The following NOS1 variants were observed in gnomAD, a reference collection of about 807,000 sequenced individuals.
NOS1 encodes the protein nitric oxide synthase 1.
In NOS1, 51 loss-of-function variants were observed where a neutral mutation model predicts 164.5. The ratio of observed to expected loss-of-function variants is 0.31; its 90% CI spans 0.25 to 0.39. The LOEUF (loss-of-function observed/expected upper bound fraction) is 0.39, where lower values mean the gene tolerates loss of function less well. NOS1 is among the 10% of genes least tolerant of loss of function. The pLI is 1.00. For synonymous variants in NOS1, 719 were observed against 745.8 expected, an observed-to-expected ratio of 0.96 and a Z score of 0.59; for missense variants, 1,362 against 1,885.6, an observed-to-expected ratio of 0.72 and a Z score of 5.14.
intron 10 of NOS1, among the ~76,000 whole-genome samples, chr12:117,270,156 T>G (rs1872694886): frequency 6.6e-6 from 1 of 152,220 alleles, no homozygotes; most frequent in Admixed American, 6.5e-5. Context: ...GAAGACCCAA[T>G]AGCAAGTGCA....
intron 13 of NOS1, among the ~76,000 whole-genome samples, chr12:117,261,030 G>A (rs1871860384): frequency 6.6e-6 from 1 of 151,788 alleles, no homozygotes; most frequent in Non-Finnish European, 1.5e-5. Flanking sequence ...TTAGCCGGGA[G>A]TGGCAGCGTG....
At chr12:117,284,597 G>A (rs1427361654) in intron 7 of NOS1, among the ~76,000 whole-genome samples, 3 of 152,044 alleles carry the variant, frequency 2.0e-5, no homozygotes, top group Non-Finnish European at 4.4e-5. Context: ...ACCAGCAATA[G>A]GATTTTCTGA....
chr12:117,273,897 T>TGC (rs77190105), intron 9 of NOS1, among the ~76,000 whole-genome samples: 2 of 151,944 alleles, frequency 1.3e-5, no homozygotes, highest in African/African-American at 4.8e-5. Flanking sequence ...ATCAGGGAAA[T>TGC]TGGTCTGGGA....
chr12:117,347,230 T>A (rs1054131062), intron 1 of NOS1, among the ~76,000 whole-genome samples: 6 of 150,696 alleles, frequency 4.0e-5, no homozygotes, highest in African/African-American at 1.5e-4. Flanking sequence ...GAGGTTGCAG[T>A]GAGCCAAGAT....
At chr12:117,345,274 C>T (rs866808408) in intron 1 of NOS1, among the ~76,000 whole-genome samples, 5 of 152,148 alleles carry the variant, frequency 3.3e-5, no homozygotes, top group Admixed American at 2.6e-4. Flanking sequence ...CCGTCTGCCT[C>T]GGCCTCCCAA....
At chr12:117,286,025 C>T in intron 6 of NOS1, 79 bp downstream of exon 6, 1 of 1,520,846 alleles carries the variant, frequency 6.6e-7, no homozygotes. Context: ...GAAGCTTATC[C>T]TTTTTAAAGC....
chr12:117,222,380 C>G (rs567741196), intron 26 of NOS1, among the ~76,000 whole-genome samples: 56 of 152,252 alleles, frequency 3.7e-4, no homozygotes, highest in Non-Finnish European at 7.6e-4. Flanking sequence ...CTCAGCCTGC[C>G]AAGTAGCTGG....
chr12:117,264,999 A>T (rs1872272184), intron 12 of NOS1, among the ~76,000 whole-genome samples: 1 of 151,166 alleles, frequency 6.6e-6, no homozygotes, highest in African/African-American at 2.4e-5. Context: ...CACCATGCCC[A>T]GCCTGCTAAT....
chr12:117,352,689 G>T (rs1025285843), intron 1 of NOS1, among the ~76,000 whole-genome samples: 1 of 152,154 alleles, frequency 6.6e-6, no homozygotes, highest in Non-Finnish European at 1.5e-5. Flanking sequence ...TAAACTGCAG[G>T]ATTATTTCTT....
intron 16 of NOS1, among the ~76,000 whole-genome samples, chr12:117,257,462 A>G (rs1251173852): frequency 6.6e-6 from 1 of 152,176 alleles, no homozygotes; most frequent in Non-Finnish European, 1.5e-5. Context: ...ATGCGGTTCC[A>G]TTACAAACAT....
At chr12:117,216,344 G>A (rs1166923231) in intron 28 of NOS1, among the ~76,000 whole-genome samples, 30 of 151,290 alleles carry the variant, frequency 2.0e-4, no homozygotes, top group African/African-American at 2.4e-5. Context: ...CACGACGCTC[G>A]GCTAATTTTT....
intron 3 of NOS1, among the ~76,000 whole-genome samples, chr12:117,298,397 A>C (rs1157221380): frequency 6.6e-6 from 1 of 152,024 alleles, no homozygotes. Flanking sequence ...CCTGCCGCTC[A>C]CCTCCTGCTG....
intron 1 of NOS1, among the ~76,000 whole-genome samples, chr12:117,341,162 G>C (rs1401199005): frequency 6.6e-6 from 1 of 152,162 alleles, no homozygotes; most frequent in East Asian, 1.9e-4. Context: ...GTAGTGTCTG[G>C]TGGATGTGCT....
At chr12:117,254,270 G>A (rs916937010) in intron 16 of NOS1, among the ~76,000 whole-genome samples, 2 of 152,128 alleles carry the variant, frequency 1.3e-5, no homozygotes, top group Non-Finnish European at 2.9e-5. Flanking sequence ...AACATGCTCA[G>A]CTAATTTTGC....
At chr12:117,351,108 C>T (rs538416526) in intron 1 of NOS1, among the ~76,000 whole-genome samples, 3 of 151,912 alleles carry the variant, frequency 2.0e-5, no homozygotes, top group South Asian at 2.1e-4. Flanking sequence ...AGCAAGACTC[C>T]GTCTCAAAAG....
intron 25 of NOS1, among the ~76,000 whole-genome samples, chr12:117,224,288 A>T (rs1868454666): frequency 6.6e-6 from 1 of 151,584 alleles, no homozygotes; most frequent in South Asian, 2.1e-4. Context: ...TTTATTTTAT[A>T]TTTTATTTTT....
In NOS1 at chr12:117,253,752, C is replaced by T. The variant is rs781555409; in HGVS notation, c.2534G>A (p.Ser845Asn). 5.6e-6 allele frequency: 9 copies of T among 1,612,140 alleles called. No homozygotes were observed. The South Asian group carries it at 9.9e-5, about 18-fold the overall frequency. ...HPNSVQEERK[S>N]YKVRFNSVSS... The stretch of plus-strand genomic sequence containing the variant: ...GACGCTGTTGAATCGGACCTTGTAG[C>T]TCCTGCCAAAACCAAAGAGAACCTG... Residue 845 changes from serine to asparagine, a missense_variant and splice_region_variant, in exon 17 of 29, where the codon AGC (serine) becomes AAC (asparagine). Physicochemically the swap from Ser to Asn is conservative, Grantham distance 46. This residue lies in a region of NOS1 where 737 missense variants were observed against 1,030.3 expected (regional missense o/e 0.72). Transcript: ENST00000317775.
At chr12:117,273,180 A>C (rs946084447) in intron 9 of NOS1, among the ~76,000 whole-genome samples, 1 of 152,168 alleles carries the variant, frequency 6.6e-6, no homozygotes, top group Non-Finnish European at 1.5e-5. Flanking sequence ...TATTAAAATT[A>C]AGTGGTTATT....
rs1874026548 is a variant in NOS1, at chr12:117,285,294, C to T, written c.1329G>A (p.Met443Ile). ...DARDCTTAHG[M>I]FNYICNHVKY... ...TGACATGGTTACAGATGTAGTTGAACATCCCGTGGGCCGTGGTGCAGTCAC... is the reference window on the plus strand; with the variant it reads ...TGACATGGTTACAGATGTAGTTGAATATCCCGTGGGCCGTGGTGCAGTCAC... Residue 443 changes from methionine (M) to isoleucine (I), a missense_variant, in exon 7 of 29, where the codon ATG (methionine) becomes ATA (isoleucine). Around this residue, in one of 4 missense-constraint regions of NOS1, gnomAD observed 129 missense variants for 186.0 expected, o/e 0.69. Coordinates refer to ENST00000317775, the MANE Select transcript of NOS1 (RefSeq NM_000620.5). The T allele has an allele frequency of 6.2e-7, 1 of 1,611,256 alleles. No individual in the cohort carries two copies.
Sources: allele counts gnomAD v4.1 joint callset (sites outside exome capture counted in the v4.1 genomes callset), GRCh38; gene constraint gnomAD v4.1.1; regional missense constraint gnomAD v4.1.1; transcripts MANE v1.5; gene names NCBI Gene and HGNC (gene_info 2026-07-23, HGNC 2026-07-21).